Variants in OPCML observed in about 807,000 individuals in gnomAD.
OPCML encodes the protein opioid-binding protein/cell adhesion molecule.
A neutral mutation model predicts 37.8 loss-of-function variants in OPCML; 13 were observed. The observed-to-expected ratio is 0.34, with a 90% CI of 0.22 to 0.55. The LOEUF is 0.55. Among genes scored for constraint, OPCML ranks in the 20% least tolerant of loss-of-function variants. The pLI is 0.91. For synonymous variants in OPCML, 176 were observed against 168.8 expected (o/e 1.04, Z -0.33); for missense variants, 341 against 435.6 (o/e 0.78, Z 1.93).
chr11:133,471,282 C>T (rs7123695), intron 1 of OPCML, among the ~76,000 whole-genome samples: 151,230 of 152,334 alleles, frequency 0.99, 75,072 homozygotes, highest in East Asian at 1. Context: ...AAGAATGGAA[C>T]GGATGCAGAA....
intron 2 of OPCML, among the ~76,000 whole-genome samples, chr11:132,682,040 G>T (rs1057345049): frequency 6.6e-6 from 1 of 152,082 alleles, no homozygotes; most frequent in South Asian, 2.1e-4. Flanking sequence ...CTAAAGGAGC[G>T]CTGTAACACG....
chr11:133,005,798 A>T (rs1209405943), intron 1 of OPCML: 2 of 985,012 alleles, frequency 2.0e-6, no homozygotes, highest in Non-Finnish European at 2.4e-6. Flanking sequence ...CAATTAGGAG[A>T]TGGGCATTTC....
chr11:133,187,580 C>G (rs528000387), intron 1 of OPCML, among the ~76,000 whole-genome samples: 2 of 152,194 alleles, frequency 1.3e-5, no homozygotes, highest in South Asian at 2.1e-4. Context: ...TCTGCTTCAC[C>G]AAGACAGGAG....
intron 1 of OPCML, among the ~76,000 whole-genome samples, chr11:133,271,392 T>C (rs1941826993): frequency 6.6e-6 from 1 of 152,206 alleles, no homozygotes; most frequent in Non-Finnish European, 1.5e-5. Flanking sequence ...ATAGATGTTG[T>C]CTGAATCTAA....
chr11:133,045,485 C>T (rs754036046), intron 1 of OPCML, among the ~76,000 whole-genome samples: 2 of 152,190 alleles, frequency 1.3e-5, no homozygotes, highest in Non-Finnish European at 2.9e-5. Flanking sequence ...AAAGGAGTGG[C>T]AGCTGCTCAG....
intron 1 of OPCML, among the ~76,000 whole-genome samples, chr11:133,335,955 C>T (rs1291355291): frequency 6.6e-6 from 1 of 151,992 alleles, no homozygotes; most frequent in Non-Finnish European, 1.5e-5. Context: ...GCTCTGTTTG[C>T]AAGTAGCAGG....
intron 4 of OPCML, among the ~76,000 whole-genome samples, chr11:132,476,243 G>A (rs2096155091): frequency 6.6e-6 from 1 of 152,086 alleles, no homozygotes; most frequent in Non-Finnish European, 1.5e-5. Context: ...CTGTTGGTGG[G>A]ACTGTAAACT....
At chr11:133,528,624 G>T (rs1292029688) in intron 1 of OPCML, among the ~76,000 whole-genome samples, 1 of 152,224 alleles carries the variant, frequency 6.6e-6, no homozygotes, top group Non-Finnish European at 1.5e-5. Flanking sequence ...GGAAGAAGCA[G>T]GAAGGTGTGT....
Position 133,038,705 on chromosome 11 carries a change from C to T in OPCML, c.62-95695G>A, listed in dbSNP as rs75913024. ...GCTAGCAAGTGGCAGGGCTGAGTTA[C>T]GATCCCACAACTCTCTGCTGTCTAA... On this transcript the variant is annotated intron_variant, in intron 1 of 7. Coordinates refer to ENST00000524381, the MANE Select transcript of OPCML (RefSeq NM_001012393.5). Among the ~76,000 whole-genome samples, 191 of 152,104 alleles carry T rather than the reference C, an allele frequency of 1.3e-3. 2 individuals carry two copies. The highest frequency in any genetic ancestry group is 0.011 in the East Asian group (58 of 5,154).
At chr11:132,683,888 G>C (rs542888309) in intron 2 of OPCML, among the ~76,000 whole-genome samples, 1 of 152,014 alleles carries the variant, frequency 6.6e-6, no homozygotes, top group South Asian at 2.1e-4. Context: ...TCATATCAAA[G>C]CTCCCTTTCA....
chr11:132,564,627 A>G (rs2096418155), intron 3 of OPCML, among the ~76,000 whole-genome samples: 1 of 152,168 alleles, frequency 6.6e-6, no homozygotes, highest in African/African-American at 2.4e-5. Flanking sequence ...GCGCTTAGAA[A>G]GTAGGCTTCC....
In OPCML at chr11:132,974,331, A is replaced by C. The variant is rs577353141; in HGVS notation, c.62-31321T>G. ...GTTCGCTTCCATTTCTCATCTCCCCATCACACTTTGCATACCAATACAGCC... is the reference window on the plus strand; with the variant it reads ...GTTCGCTTCCATTTCTCATCTCCCCCTCACACTTTGCATACCAATACAGCC... On this transcript the variant is annotated intron_variant, in intron 1 of 7. Coordinates refer to ENST00000524381, the MANE Select transcript of OPCML (RefSeq NM_001012393.5). Among the ~76,000 whole-genome samples, 3 of 152,268 alleles carry C rather than the reference A, an allele frequency of 2.0e-5. No individual in the cohort carries two copies. In the East Asian group the frequency reaches 5.8e-4, roughly 29 times the overall value.
At chr11:132,456,392 A>G (rs1428929142) in intron 4 of OPCML, among the ~76,000 whole-genome samples, 8 of 152,254 alleles carry the variant, frequency 5.3e-5, no homozygotes, top group African/African-American at 9.6e-5. Flanking sequence ...CACACCGGGC[A>G]GGAAATTTTA....
rs577659765 is a variant in OPCML at position 132,537,583 on chromosome 11, C to T, written c.380-8397G>A. On this transcript the variant is annotated intron_variant, in intron 3 of 7. Coordinates refer to ENST00000524381, the MANE Select transcript of OPCML (RefSeq NM_001012393.5). ...CAGCAGAAAAAATAGATAAACCGGACTTCATTCAAATTAAAAGTGTTTGTG... is the reference window on the plus strand; with the variant it reads ...CAGCAGAAAAAATAGATAAACCGGATTTCATTCAAATTAAAAGTGTTTGTG... Among the ~76,000 whole-genome samples the T allele has an allele frequency of 4.6e-5, 7 of 152,296 alleles. No individual in the cohort carries two copies. The South Asian group carries it at 1.5e-3, about 32-fold the overall frequency.
In OPCML at chr11:133,485,696, T is replaced by A. The variant is rs182053277; in HGVS notation, c.61+46568A>T. Among the ~76,000 whole-genome samples the A allele has an allele frequency of 2.3e-3, 354 of 152,322 alleles. 1 individual carries two copies. The highest frequency in any genetic ancestry group is 4.1e-3 in the Non-Finnish European group (277 of 68,028). On this transcript the variant is annotated intron_variant, in intron 1 of 7. Transcript: ENST00000524381. Reference sequence around the variant, plus strand: ...TCTGCATTATTCTGGGTTCCATATATGCAAATCCACCTACTTGCTAAAAAT... The same window carrying A: ...TCTGCATTATTCTGGGTTCCATATAAGCAAATCCACCTACTTGCTAAAAAT...
chr11:133,233,350 G>A (rs1032171191), intron 1 of OPCML, among the ~76,000 whole-genome samples: 2 of 152,114 alleles, frequency 1.3e-5, no homozygotes. Flanking sequence ...ATGTGGGAAG[G>A]ATTCTCTGCC....
intron 1 of OPCML, among the ~76,000 whole-genome samples, chr11:133,050,942 G>A (rs558238843): frequency 5.3e-4 from 81 of 151,978 alleles, no homozygotes; most frequent in Non-Finnish European, 1.1e-3. Flanking sequence ...TCAAACTTGC[G>A]AGACACCCAA....
At chr11:132,724,950 C>T (rs894547520) in intron 2 of OPCML, among the ~76,000 whole-genome samples, 1 of 152,186 alleles carries the variant, frequency 6.6e-6, no homozygotes, top group Non-Finnish European at 1.5e-5. Flanking sequence ...CGTGGTTTTG[C>T]AGGGTACAGC....
At chr11:133,257,729 AC>A (rs1239560093) in intron 1 of OPCML, among the ~76,000 whole-genome samples, 1 of 152,194 alleles carries the variant, frequency 6.6e-6, no homozygotes, top group Non-Finnish European at 1.5e-5. Context: ...GGCATTGATA[AC>A]AATCTTGTTA....
Sources: gnomAD v4.1 joint callset for allele counts (sites outside exome capture counted in the v4.1 genomes callset) on GRCh38, gnomAD v4.1.1 for gene constraint, MANE v1.5 for transcripts, NCBI Gene and HGNC (gene_info 2026-07-23, HGNC 2026-07-21) for gene names.